The following TRIT1 variants were observed in gnomAD, a reference collection of about 807,000 sequenced individuals.
The protein encoded by TRIT1 is tRNA isopentenyltransferase 1, also known as tRNA dimethylallyltransferase.
Under a neutral mutation model 51.2 loss-of-function variants are expected in TRIT1, and 43 were observed. The observed-to-expected ratio is 0.84, with a 90% CI of 0.66 to 1.08. The LOEUF (loss-of-function observed/expected upper bound fraction) is 1.08. Among genes scored for constraint, TRIT1 ranks in the 50% least tolerant of loss-of-function variants. The probability of loss-of-function intolerance (pLI) is 0.00; values close to 1 mark genes in which losing one functional copy is unlikely to be tolerated. For synonymous variants in TRIT1, 184 were observed against 203.9 expected, an observed-to-expected ratio of 0.90 and a Z score of 0.83; for missense variants, 528 against 578.4, an observed-to-expected ratio of 0.91 and a Z score of 0.89.
At chr1:39,864,465 C>T (rs1224862036) in intron 1 of TRIT1, among the ~76,000 whole-genome samples, 5 of 151,558 alleles carry the variant, frequency 3.3e-5, no homozygotes, top group African/African-American at 9.7e-5. Context: ...AAACATTAGC[C>T]GGGCGTGGTG....
In TRIT1 at chr1:39,844,523, A is replaced by G. The variant is rs190645424; in HGVS notation, c.1116+8T>C. The G allele has an allele frequency of 4.5e-5, 73 of 1,606,678 alleles. No homozygotes were observed. In the African/African-American group the frequency reaches 8.5e-4, roughly 19 times the overall value. On this transcript the variant is annotated splice_region_variant and intron_variant, in intron 9 of 10. Transcript: ENST00000316891. ...CAGAAAATAGAATGTATCATGATTCATAATTACCTGGATGAAACTTTGCAC... is the reference window on the plus strand; with the variant it reads ...CAGAAAATAGAATGTATCATGATTCGTAATTACCTGGATGAAACTTTGCAC...
chr1:39,847,938 T>C (rs1022216185), intron 6 of TRIT1, 48 bp downstream of exon 6: 8 of 1,553,896 alleles, frequency 5.1e-6, no homozygotes, highest in Non-Finnish European at 7.1e-6. Context: ...GTCTTTTGAT[T>C]GTCTGCAAAA....
Position 39,850,171 on chromosome 1 carries a change from A to C in TRIT1, c.651T>G (p.Gly217=). The change falls in exon 5 of 11, where the codon GGT becomes GGG. Residue 217 remains glycine (G), a synonymous_variant. Coordinates refer to ENST00000316891, the MANE Select transcript of TRIT1 (RefSeq NM_017646.6). ...TGCAAGGGTTAGAGAACTTCAGAGG[A>C]CCTCCAAGGGGACCACCACCTTCTT... ...HTEEGGGPLG[G]PLKFSNPCIL... is the part of the protein sequence containing the mutation. 6.2e-7 allele frequency: 1 copy of C among 1,614,092 alleles called. No homozygotes were observed. The highest frequency in any genetic ancestry group is 1.1e-5 in the South Asian group (1 of 91,074).
At chr1:39,845,330 G>C (rs1642163459) in intron 8 of TRIT1, among the ~76,000 whole-genome samples, 1 of 152,212 alleles carries the variant, frequency 6.6e-6, no homozygotes, top group Non-Finnish European at 1.5e-5. Context: ...ACCCACCTGA[G>C]CCAACCATGT....
At chr1:39,883,024 G>A (rs1268191007) in intron 1 of TRIT1, among the ~76,000 whole-genome samples, 1 of 152,094 alleles carries the variant, frequency 6.6e-6, no homozygotes, top group Admixed American at 6.5e-5. Flanking sequence ...CCACTTATTC[G>A]CTATGTGACA....
chr1:39,861,522 C>G (rs933881905), intron 1 of TRIT1, among the ~76,000 whole-genome samples: 3 of 152,190 alleles, frequency 2.0e-5, no homozygotes, highest in African/African-American at 7.2e-5. Context: ...TTCACAGCAG[C>G]ATTATTCACA....
intron 2 of TRIT1, among the ~76,000 whole-genome samples, chr1:39,854,516 G>A (rs1299759626): frequency 6.6e-6 from 1 of 152,148 alleles, no homozygotes; most frequent in African/African-American, 2.4e-5. Flanking sequence ...CTACCATCAT[G>A]GAGAGACTAT....
intron 1 of TRIT1, among the ~76,000 whole-genome samples, chr1:39,870,403 A>C: frequency 6.6e-6 from 1 of 151,358 alleles, no homozygotes; most frequent in Non-Finnish European, 1.5e-5. Flanking sequence ...GCCTAGGAAA[A>C]CCAGAGACCC....
chr1:39,857,312 TGTA>T lies in TRIT1; in HGVS notation c.277_279del (p.Tyr93del). 6.2e-7 allele frequency: 1 copy of T among 1,613,642 alleles called. No individual in the cohort carries two copies. The highest frequency in any genetic ancestry group is 8.5e-7 in the Non-Finnish European group (1 of 1,179,798). The stretch of plus-strand genomic sequence containing the variant: ...GCTCTATTTCTGAAGTCCACCACTG[TGTA>T]ATTGGTCACAAGAGGATCCACAAAG... On this transcript the variant is annotated inframe_deletion, in exon 2 of 11. Coordinates refer to ENST00000316891, the MANE Select transcript of TRIT1 (RefSeq NM_017646.6).
At chr1:39,861,774 A>G (rs1031889285) in intron 1 of TRIT1, among the ~76,000 whole-genome samples, 6 of 152,062 alleles carry the variant, frequency 3.9e-5, no homozygotes, top group African/African-American at 1.4e-4. Context: ...AAATATAAAA[A>G]TTAGCCAGGC....
chr1:39,866,783 G>A (rs540520588), intron 1 of TRIT1, among the ~76,000 whole-genome samples: 1 of 152,162 alleles, frequency 6.6e-6, no homozygotes, highest in African/African-American at 2.4e-5. Flanking sequence ...ACCAGCCTAG[G>A]CAACACAAAG....
intron 5 of TRIT1, among the ~76,000 whole-genome samples, chr1:39,849,888 G>A (rs1318535425): frequency 6.6e-6 from 1 of 152,126 alleles, no homozygotes; most frequent in Non-Finnish European, 1.5e-5. Context: ...CACTCTACCT[G>A]TGATGTCTTC....
At chr1:39,869,082 T>C (rs367943399) in intron 1 of TRIT1, among the ~76,000 whole-genome samples, 33 of 150,102 alleles carry the variant, frequency 2.2e-4, no homozygotes, top group South Asian at 1.7e-3. Flanking sequence ...TCCCTCTCCC[T>C]CTCCCCCTCC....
At chr1:39,852,506 A>G in intron 4 of TRIT1, 1 of 550,282 alleles carries the variant, frequency 1.8e-6, no homozygotes, top group Admixed American at 3.4e-5. Flanking sequence ...GGGGAAAACG[A>G]TATTGTACTA....
intron 1 of TRIT1, among the ~76,000 whole-genome samples, chr1:39,878,770 G>A (rs1644149819): frequency 1.3e-5 from 2 of 152,054 alleles, no homozygotes; most frequent in Non-Finnish European, 2.9e-5. Flanking sequence ...TCTTTGATAC[G>A]AACTTGACAT....
chr1:39,862,982 A>G (rs1353894642), intron 1 of TRIT1: 1 of 984,300 alleles, frequency 1.0e-6, no homozygotes, highest in Non-Finnish European at 1.2e-6. Flanking sequence ...TCTCTGCACA[A>G]ACCATATTTT....
chr1:39,881,205 A>AG (rs1644252528), intron 1 of TRIT1, among the ~76,000 whole-genome samples: 1 of 150,102 alleles, frequency 6.7e-6, no homozygotes, highest in South Asian at 2.1e-4. Context: ...CAGCCTGGGC[A>AG]ACAAGAGCGA....
chr1:39,877,323 T>C (rs1166701710), intron 1 of TRIT1, among the ~76,000 whole-genome samples: 3 of 141,420 alleles, frequency 2.1e-5, no homozygotes, highest in Non-Finnish European at 4.5e-5. Context: ...ACATGGTGCT[T>C]CTATTAAAAA....
intron 1 of TRIT1, among the ~76,000 whole-genome samples, chr1:39,868,167 C>T (rs544764599): frequency 2.0e-5 from 3 of 151,206 alleles, no homozygotes; most frequent in South Asian, 2.1e-4. Context: ...AGGATGGTCT[C>T]GATCTCCTGA....
Sources: gnomAD v4.1 joint callset for allele counts (sites outside exome capture counted in the v4.1 genomes callset) on GRCh38, gnomAD v4.1.1 for gene constraint, MANE v1.5 for transcripts, NCBI Gene and HGNC (gene_info 2026-07-23, HGNC 2026-07-21) for gene names.